The following IARS1 variants were observed in gnomAD, a reference collection of about 807,000 sequenced individuals.
The protein encoded by IARS1 is isoleucine--tRNA ligase, cytoplasmic.
IARS1 carries 124 observed loss-of-function variants against 168.2 expected under a neutral mutation model. The ratio of observed to expected loss-of-function variants is 0.74; its 90% CI spans 0.64 to 0.86. The LOEUF is 0.86. Among genes scored for constraint, IARS1 ranks in the 40% least tolerant of loss-of-function variants. The pLI, the probability that IARS1 is intolerant of heterozygous loss-of-function variation, is 0.00. For synonymous variants in IARS1, 532 were observed against 529.4 expected (o/e 1.00, Z -0.07); for missense variants, 1,452 against 1,515.8 (o/e 0.96, Z 0.70).
At chr9:92,231,567 C>G (rs370647463) in intron 30 of IARS1, among the ~76,000 whole-genome samples, 1 of 150,674 alleles carries the variant, frequency 6.6e-6, no homozygotes, top group East Asian at 1.9e-4. Flanking sequence ...ACATGTGCCA[C>G]CATGCCCAGC....
chr9:92,231,417 T>TC (rs1245477622), intron 30 of IARS1, among the ~76,000 whole-genome samples: 3 of 149,810 alleles, frequency 2.0e-5, no homozygotes, highest in South Asian at 2.1e-4. Context: ...TTTTTTTCTT[T>TC]TTTTTTTTTT....
Position 92,278,268 on chromosome 9 carries a change from A to G in IARS1, c.764T>C (p.Leu255Ser). The change falls in exon 8 of 34, where the codon TTA becomes TCA. Residue 255 changes from leucine (L) to serine (S), a missense_variant. Leu to Ser is a moderately radical substitution (Grantham distance 145, BLOSUM62 -2). Coordinates refer to ENST00000443024, the MANE Select transcript of IARS1 (RefSeq NM_002161.6). ...VKIKDVARGR[L>S]LILMEARLSA... is the part of the protein sequence containing the mutation. Reference sequence around the variant, plus strand: ...CAATCTGGCTTCCATTAAAATGAGTAATCGTCCTCTGGCAACATCTACGAG... The same window carrying G: ...CAATCTGGCTTCCATTAAAATGAGTGATCGTCCTCTGGCAACATCTACGAG... 6.2e-7 allele frequency: 1 copy of G among 1,611,726 alleles called. No homozygotes were observed. Among genetic ancestry groups the G allele is most frequent in the Non-Finnish European group, 8.5e-7 (1 of 1,177,778 alleles).
rs999093095 is a variant in IARS1 at position 92,249,866 on chromosome 9, T to C, written c.2608A>G (p.Ile870Val). 3 of 1,568,436 alleles carry C rather than the reference T, an allele frequency of 1.9e-6. No individual in the cohort carries two copies. Among genetic ancestry groups the C allele is most frequent in the Admixed American group, 3.4e-5 (2 of 59,282 alleles). The change falls in exon 25 of 34, where the codon ATC (isoleucine) becomes GTC (valine). Residue 870 changes from isoleucine to valine, a missense_variant. Transcript: ENST00000443024. ...LKDIKSLEKY[I>V]IEELNVRKVT... ...CAAATCATCTACCTTACCTCAATGA[T>C]ATACTTCTCCAAAGACTTGATATCT... is the stretch of plus-strand genomic sequence containing the variant.
At chr9:92,257,636 G>A (rs1830907245) in intron 19 of IARS1, among the ~76,000 whole-genome samples, 1 of 152,166 alleles carries the variant, frequency 6.6e-6, no homozygotes. Flanking sequence ...GAGAGCCTCA[G>A]GTGAACATGA....
chr9:92,262,135 C>T (rs1024439791), intron 17 of IARS1, among the ~76,000 whole-genome samples: 1 of 151,978 alleles, frequency 6.6e-6, no homozygotes, highest in Non-Finnish European at 1.5e-5. Context: ...TTTGCATTTA[C>T]CACTCATTTG....
At chr9:92,291,863 C>G (rs1259457252) in intron 1 of IARS1, among the ~76,000 whole-genome samples, 1 of 152,168 alleles carries the variant, frequency 6.6e-6, no homozygotes, top group Non-Finnish European at 1.5e-5. Context: ...GAGTCAGAAC[C>G]TGCATTTTAA....
Position 92,289,335 on chromosome 9 carries a change from GA to G in IARS1, c.84del (p.Gln29ArgfsTer4). On this transcript the variant is annotated frameshift_variant, in exon 2 of 34. Coordinates refer to ENST00000443024, the MANE Select transcript of IARS1 (RefSeq NM_002161.6). LOFTEE classifies it high-confidence loss of function. ...ILEFWTEFNC[F>X]QECLKQSKHK... ...TGTTTTGATTGCTTTAAGCATTCCT[GA>G]AAACAATTAAATTCAGTCCAAAACT... 6.4e-7 allele frequency: 1 copy of G among 1,570,582 alleles called. No individual in the cohort carries two copies. The highest frequency in any genetic ancestry group is 8.7e-7 in the Non-Finnish European group (1 of 1,143,508).
chr9:92,213,319 A>C (rs577908052), intron 33 of IARS1, among the ~76,000 whole-genome samples: 1 of 152,360 alleles, frequency 6.6e-6, no homozygotes, highest in South Asian at 2.1e-4. Flanking sequence ...ACTTCAAATA[A>C]GAAACCCATA....
intron 21 of IARS1, 32 bp downstream of exon 21, chr9:92,253,330 T>C (rs764720649): frequency 2.2e-6 from 3 of 1,369,038 alleles, no homozygotes; most frequent in South Asian, 2.3e-5. Flanking sequence ...TTCATACACT[T>C]TTTGCTTTTC....
intron 4 of IARS1, 185 bp downstream of exon 4, chr9:92,287,606 C>A: frequency 1.9e-6 from 1 of 515,334 alleles, no homozygotes; most frequent in Admixed American, 4.0e-5. Flanking sequence ...ATTAAGCACA[C>A]AGAAGTCAGA....
intron 30 of IARS1, among the ~76,000 whole-genome samples, chr9:92,238,455 C>T (rs1030918625): frequency 6.6e-6 from 1 of 152,074 alleles, no homozygotes. Flanking sequence ...TATCTTGCTC[C>T]CTCTCTTCAT....
At chr9:92,221,614 A>G (rs1839672867) in intron 33 of IARS1, among the ~76,000 whole-genome samples, 1 of 152,250 alleles carries the variant, frequency 6.6e-6, no homozygotes, top group Non-Finnish European at 1.5e-5. Flanking sequence ...CAGCCACAGA[A>G]GCTGAAATCT....
rs1450875452 is a variant in IARS1 at position 92,247,323 on chromosome 9, A to G, written c.2791+54T>C. On this transcript the variant is annotated intron_variant, in intron 26 of 33. Coordinates refer to ENST00000443024, the MANE Select transcript of IARS1 (RefSeq NM_002161.6). ...TTAAAAGTCAAACAGTAGCCTAAAA[A>G]GTATCCCTCAGACTCAGGACATAAA... is the stretch of plus-strand genomic sequence containing the variant. 2.0e-6 allele frequency: 3 copies of G among 1,522,330 alleles called. No homozygotes were observed. In the East Asian group the frequency reaches 6.8e-5, roughly 35 times the overall value. 94.3% of individuals were successfully genotyped at this position (1,522,330 alleles called of 1,614,324 possible).
chr9:92,218,878 A>G lies in IARS1; in HGVS notation c.3706+3642T>C, dbSNP rs1362720835. ...AATTTATAGATTCAATGCCATCCCC[A>G]TCAAGCTACCAATGCCTTTCTTCAC... On this transcript the variant is annotated intron_variant, in intron 33 of 33. Transcript: ENST00000443024. 4.6e-5 allele frequency among the ~76,000 whole-genome samples: 7 copies of G among 151,932 alleles called. 1 individual carries two copies. The highest frequency in any genetic ancestry group is 2.6e-4 in the Admixed American group (4 of 15,262).
Position 92,271,668 on chromosome 9 carries a change from A to G in IARS1, c.991-13T>C. 1 of 1,613,902 alleles carries G rather than the reference A, an allele frequency of 6.2e-7. No individual in the cohort carries two copies. The highest frequency in any genetic ancestry group is 8.5e-7 in the Non-Finnish European group (1 of 1,179,790). On this transcript the variant is annotated splice_polypyrimidine_tract_variant and intron_variant, in intron 10 of 33. Transcript: ENST00000443024. The stretch of plus-strand genomic sequence containing the variant: ...CCCGATAGTCCTCCTGAGAAAAGGC[A>G]AAAGAGAGGGAAGAATAAAACAGTC...
At chr9:92,230,564 TTATGAA>T (rs1349838279) in intron 30 of IARS1, among the ~76,000 whole-genome samples, 6 of 152,350 alleles carry the variant, frequency 3.9e-5, no homozygotes, top group African/African-American at 1.4e-4. Flanking sequence ...TTTGGTGCTA[TTATGAA>T]TATAAGTACT....
intron 33 of IARS1, among the ~76,000 whole-genome samples, 180 bp downstream of exon 33, chr9:92,222,340 C>CAAAAA (rs60335070): frequency 0.021 from 1,169 of 54,988 alleles, no homozygotes; most frequent in East Asian, 0.033. Flanking sequence ...GACTCAGTCT[C>CAAAAA]AAAAAAAAAA....
At chr9:92,220,260 G>T (rs949832482) in intron 33 of IARS1, among the ~76,000 whole-genome samples, 2 of 82,974 alleles carry the variant, frequency 2.4e-5, no homozygotes, top group African/African-American at 1.8e-4. Context: ...ACACTCTGGG[G>T]ACTGTTGTGG....
intron 31 of IARS1, among the ~76,000 whole-genome samples, chr9:92,227,438 A>AC (rs1392343774): frequency 2.2e-4 from 28 of 127,818 alleles, no homozygotes; most frequent in African/African-American, 3.5e-4. Context: ...CGGGGGGCTG[A>AC]CCCCCCCACC....
Sources: gnomAD v4.1 joint callset for allele counts (sites outside exome capture counted in the v4.1 genomes callset) on GRCh38, gnomAD v4.1.1 for gene constraint, MANE v1.5 for transcripts, NCBI Gene and HGNC (gene_info 2026-07-23, HGNC 2026-07-21) for gene names.